Variants in NTRK3 observed in about 807,000 individuals in gnomAD.
NTRK3 encodes the protein neurotrophic receptor tyrosine kinase 3.
Under a neutral mutation model 91.7 loss-of-function variants are expected in NTRK3, and 24 were observed. The ratio of observed to expected loss-of-function variants is 0.26; its 90% confidence interval spans 0.19 to 0.37. NTRK3 has a LOEUF of 0.37. Ranked by LOEUF, NTRK3 falls within the 10% of genes least tolerant of loss-of-function variation. NTRK3 has a pLI of 1.00. For missense variants in NTRK3, 880 were observed against 1,068.9 expected (o/e 0.82, Z 2.46); for synonymous variants, 483 against 404.0 (o/e 1.20, Z -2.34).
At chr15:87,889,756 T>G (rs1026785121) in intron 17 of NTRK3, among the ~76,000 whole-genome samples, 3 of 152,090 alleles carry the variant, frequency 2.0e-5, no homozygotes, top group African/African-American at 4.8e-5. Flanking sequence ...CAGAGACATA[T>G]GGTTTTGTTG....
At chr15:87,960,526 C>A (rs1187969246) in intron 14 of NTRK3, among the ~76,000 whole-genome samples, 4 of 151,992 alleles carry the variant, frequency 2.6e-5, no homozygotes, top group African/African-American at 9.7e-5. Flanking sequence ...GCTCTCTCAC[C>A]CAGGCTGGAG....
intron 14 of NTRK3, among the ~76,000 whole-genome samples, chr15:88,018,515 C>T (rs2077394164): frequency 1.3e-5 from 2 of 152,108 alleles, no homozygotes; most frequent in South Asian, 4.1e-4. Flanking sequence ...TCCTTGCTTC[C>T]CTAGGAAATG....
intron 17 of NTRK3, among the ~76,000 whole-genome samples, chr15:87,888,779 T>G (rs926630139): frequency 6.6e-6 from 1 of 152,206 alleles, no homozygotes; most frequent in African/African-American, 2.4e-5. Flanking sequence ...TGGCTTTTTT[T>G]TTTGTCTAAA....
chr15:87,960,523 C>T (rs1248319396), intron 14 of NTRK3, among the ~76,000 whole-genome samples: 2 of 151,908 alleles, frequency 1.3e-5, no homozygotes, highest in Non-Finnish European at 2.9e-5. Context: ...TTCGCTCTCT[C>T]ACCCAGGCTG....
chr15:88,032,437 T>C (rs62019245), intron 14 of NTRK3, among the ~76,000 whole-genome samples: 46,294 of 151,990 alleles, frequency 0.3, 7,208 homozygotes, highest in South Asian at 0.42. Context: ...AGGTACTCAC[T>C]GCCCTTTATT....
At chr15:88,028,848 C>G (rs980730948) in intron 14 of NTRK3, among the ~76,000 whole-genome samples, 1 of 152,108 alleles carries the variant, frequency 6.6e-6, no homozygotes, top group African/African-American at 2.4e-5. Context: ...AACCAAGAAG[C>G]CTTTCAACTG....
chr15:88,137,544 A>C, exon 7 of NTRK3: 1 of 1,614,054 alleles, frequency 6.2e-7, no homozygotes, highest in Non-Finnish European at 8.5e-7. Flanking sequence ...GCAGTTGAAA[A>C]AGTTCTGCTC....
At chr15:88,133,245 G>A (rs951425425) in intron 10 of NTRK3, among the ~76,000 whole-genome samples, 1 of 152,102 alleles carries the variant, frequency 6.6e-6, no homozygotes, top group African/African-American at 2.4e-5. Context: ...TGCATCTCGT[G>A]GGGGCAGAGG....
chr15:87,915,101 G>A (rs1016109476), intron 17 of NTRK3, among the ~76,000 whole-genome samples: 4 of 152,028 alleles, frequency 2.6e-5, no homozygotes, highest in Non-Finnish European at 5.9e-5. Context: ...TGGTGATGGG[G>A]GTGGTGATGG....
intron 13 of NTRK3, among the ~76,000 whole-genome samples, chr15:88,097,481 T>C (rs917108929): frequency 1.1e-4 from 17 of 152,184 alleles, no homozygotes; most frequent in African/African-American, 3.9e-4. Context: ...TGTTGATTGG[T>C]CAAACTCTTC....
rs1598098469 is a variant in NTRK3, at chr15:88,234,694, C to T, written c.248+21212G>A. 1.3e-5 allele frequency among the ~76,000 whole-genome samples: 2 copies of T among 152,232 alleles called. No individual in the cohort carries two copies. Among genetic ancestry groups the T allele is most frequent in the Admixed American group, 6.5e-5 (1 of 15,288 alleles). Reference sequence around the variant, plus strand: ...CAACCTTGTGCTTCTTTCTCCAACACATTTATTACACCCATCACTTCAGCT... The same window carrying T: ...CAACCTTGTGCTTCTTTCTCCAACATATTTATTACACCCATCACTTCAGCT... On this transcript the variant is annotated intron_variant, in intron 3 of 18. Transcript: ENST00000394480. The surrounding 1 kb of genome is among the most constrained non-coding windows in gnomAD (Gnocchi z 6.1).
chr15:88,081,296 G>T (rs1443565639), intron 13 of NTRK3, among the ~76,000 whole-genome samples: 1 of 152,146 alleles, frequency 6.6e-6, no homozygotes, highest in Non-Finnish European at 1.5e-5. Flanking sequence ...GAGTGGGACA[G>T]GTGGGATGTG....
intron 3 of NTRK3, among the ~76,000 whole-genome samples, chr15:88,216,932 A>C (rs2049825851): frequency 6.6e-6 from 1 of 152,226 alleles, no homozygotes; most frequent in Non-Finnish European, 1.5e-5. Context: ...CCAAAGTACC[A>C]GGGACTGAAC....
At chr15:87,962,862 G>C (rs1269112985) in intron 14 of NTRK3, among the ~76,000 whole-genome samples, 1 of 152,200 alleles carries the variant, frequency 6.6e-6, no homozygotes, top group Non-Finnish European at 1.5e-5. Flanking sequence ...AGGACATAGA[G>C]ATTAGAGGCT....
intron 10 of NTRK3, among the ~76,000 whole-genome samples, chr15:88,134,489 G>A (rs2041685416): frequency 6.6e-6 from 1 of 152,120 alleles, no homozygotes. Context: ...GCTCACCATG[G>A]AACAAGAGAG....
At chr15:88,144,980 C>A (rs918186707) in intron 6 of NTRK3, among the ~76,000 whole-genome samples, 1 of 152,184 alleles carries the variant, frequency 6.6e-6, no homozygotes, top group Non-Finnish European at 1.5e-5. Flanking sequence ...AAACCTCACA[C>A]TTCTGGCCTG....
chr15:88,166,958 C>T (rs2045022375), intron 5 of NTRK3, among the ~76,000 whole-genome samples: 2 of 152,048 alleles, frequency 1.3e-5, no homozygotes, highest in African/African-American at 4.8e-5. Flanking sequence ...ATGTACATTC[C>T]ATGAATTTTC....
intron 14 of NTRK3, among the ~76,000 whole-genome samples, chr15:88,018,058 G>A (rs940842970): frequency 4.6e-5 from 7 of 152,234 alleles, no homozygotes; most frequent in African/African-American, 9.6e-5. Flanking sequence ...ATCCACCAGC[G>A]ACAGGATAAA....
chr15:88,188,055 C>G (rs187219960), intron 3 of NTRK3, among the ~76,000 whole-genome samples: 1,635 of 152,332 alleles, frequency 0.011, 38 homozygotes, highest in African/African-American at 0.038. Flanking sequence ...CCAGCTCATC[C>G]CTGCCCGGAC....
Sources: allele counts gnomAD v4.1 joint callset (sites outside exome capture counted in the v4.1 genomes callset), GRCh38; gene constraint gnomAD v4.1.1; non-coding constraint Gnocchi (gnomAD v3.1); transcripts MANE v1.5; gene names NCBI Gene and HGNC (gene_info 2026-07-23, HGNC 2026-07-21).